SLC44A5: variants seen among roughly 807,000 people sequenced by gnomAD.
The protein encoded by SLC44A5 is solute carrier family 44 member 5.
In SLC44A5, 57 loss-of-function variants were observed where a neutral mutation model predicts 101.8. That is an observed-to-expected ratio of 0.56 (90% CI 0.45 to 0.70). The LOEUF (loss-of-function observed/expected upper bound fraction) is 0.70, where lower values mean the gene tolerates loss of function less well. Ranked by LOEUF, SLC44A5 falls within the 30% of genes least tolerant of loss-of-function variation. The pLI, the probability that SLC44A5 is intolerant of heterozygous loss-of-function variation, is 0.00. For missense variants in SLC44A5, 737 were observed against 853.1 expected (o/e 0.86, Z 1.70); for synonymous variants, 281 against 290.9 (o/e 0.97, Z 0.35).
chr1:75,426,887 C>A (rs1553178640), intron 2 of SLC44A5, among the ~76,000 whole-genome samples: 1 of 152,196 alleles, frequency 6.6e-6, no homozygotes, highest in Non-Finnish European at 1.5e-5. Flanking sequence ...AGCATCCTTG[C>A]CAGCGGGACA....
chr1:75,350,954 A>G (rs1475702311), intron 3 of SLC44A5, among the ~76,000 whole-genome samples: 2 of 151,616 alleles, frequency 1.3e-5, no homozygotes, highest in Non-Finnish European at 2.9e-5. Context: ...GAAGAAGATA[A>G]AGCATGTGAA....
At chr1:75,573,127 C>CAAAAAAAAAAAA (rs745593621) in intron 1 of SLC44A5, among the ~76,000 whole-genome samples, 1 of 16,688 alleles carries the variant, frequency 6.0e-5, no homozygotes, top group African/African-American at 2.5e-4. Flanking sequence ...GGCTCCATCT[C>CAAAAAAAAAAAA]AAAAAAAAAA....
the SLC44A5 span, among the ~76,000 whole-genome samples, chr1:75,617,193 C>G: frequency 6.6e-6 from 1 of 152,052 alleles, no homozygotes; most frequent in South Asian, 2.1e-4. Context: ...TATGCTGCAG[C>G]TGAGATTGCC....
intron 4 of SLC44A5, among the ~76,000 whole-genome samples, chr1:75,337,399 T>C (rs1657529086): frequency 6.6e-6 from 1 of 152,204 alleles, no homozygotes; most frequent in African/African-American, 2.4e-5. Flanking sequence ...CAATTCTCCA[T>C]CAAATAAAAT....
chr1:75,677,744 T>C, the SLC44A5 span: 3 of 441,234 alleles, frequency 6.8e-6, no homozygotes, highest in East Asian at 2.3e-4. Flanking sequence ...AAAAAACACA[T>C]TTCCAAGGGA....
the SLC44A5 span, among the ~76,000 whole-genome samples, chr1:75,660,191 G>C: frequency 5.9e-5 from 9 of 152,074 alleles, no homozygotes; most frequent in Admixed American, 5.2e-4. Context: ...CTGGGCAACA[G>C]AGCAAGATTC....
chr1:75,582,547 A>G (rs557798932), intron 1 of SLC44A5: 7 of 497,426 alleles, frequency 1.4e-5, no homozygotes, highest in African/African-American at 1.3e-4. Flanking sequence ...AGGCCACTAC[A>G]AAGGGTTCAA....
At chr1:75,566,936 G>A (rs901986347) in intron 1 of SLC44A5, among the ~76,000 whole-genome samples, 1 of 152,210 alleles carries the variant, frequency 6.6e-6, no homozygotes, top group Admixed American at 6.5e-5. Context: ...GATCAGAACT[G>A]TAAGTGGAAA....
intron 3 of SLC44A5, among the ~76,000 whole-genome samples, chr1:75,345,673 CAT>C (rs1265229822): frequency 6.6e-6 from 1 of 152,036 alleles, no homozygotes; most frequent in Non-Finnish European, 1.5e-5. Flanking sequence ...AAGAATGTGT[CAT>C]GTGTGAAAGC....
the SLC44A5 span, among the ~76,000 whole-genome samples, chr1:75,693,645 A>G: frequency 6.6e-6 from 1 of 152,162 alleles, no homozygotes; most frequent in African/African-American, 2.4e-5. Flanking sequence ...GGTACGGAAG[A>G]GTTCTGAGAA....
chr1:75,252,874 G>C (rs1396204334), intron 6 of SLC44A5, among the ~76,000 whole-genome samples: 1 of 152,192 alleles, frequency 6.6e-6, no homozygotes, highest in Non-Finnish European at 1.5e-5. Flanking sequence ...TTAAGAGACT[G>C]TGGAGGTGAA....
chr1:75,268,197 T>G (rs1055732828), intron 6 of SLC44A5, among the ~76,000 whole-genome samples: 32 of 152,150 alleles, frequency 2.1e-4, no homozygotes, highest in Non-Finnish European at 1.5e-4. Context: ...ATAGGGTCAC[T>G]CATGCCTCAG....
chr1:75,646,654 TC>T, the SLC44A5 span, among the ~76,000 whole-genome samples: 1 of 152,146 alleles, frequency 6.6e-6, no homozygotes, highest in Non-Finnish European at 1.5e-5. Context: ...GTGAGAGAGT[TC>T]TCACGAGATC....
intron 6 of SLC44A5, among the ~76,000 whole-genome samples, chr1:75,262,142 C>A (rs1557592071): frequency 6.6e-6 from 1 of 152,156 alleles, no homozygotes; most frequent in African/African-American, 2.4e-5. Flanking sequence ...CCAGGGCAAT[C>A]AAGAAAGAGA....
At chr1:75,439,891 A>G (rs1220307448) in intron 2 of SLC44A5, among the ~76,000 whole-genome samples, 1 of 152,140 alleles carries the variant, frequency 6.6e-6, no homozygotes, top group African/African-American at 2.4e-5. Context: ...ACACACTATA[A>G]TAAAAACTGA....
At chr1:75,301,821 T>C (rs1174484841) in intron 4 of SLC44A5, among the ~76,000 whole-genome samples, 1 of 152,170 alleles carries the variant, frequency 6.6e-6, no homozygotes, top group African/African-American at 2.4e-5. Flanking sequence ...GGGGCAAATA[T>C]CTAGATCTCC....
the SLC44A5 span, among the ~76,000 whole-genome samples, chr1:75,718,532 G>A: frequency 3.3e-5 from 5 of 152,158 alleles, no homozygotes; most frequent in Non-Finnish European, 5.9e-5. Context: ...CATGCTGTCT[G>A]GAGTGATGTC....
At chr1:75,314,130 C>T (rs1434040243) in intron 4 of SLC44A5, among the ~76,000 whole-genome samples, 6 of 152,200 alleles carry the variant, frequency 3.9e-5, no homozygotes, top group Non-Finnish European at 8.8e-5. Context: ...AGTTTAAAGA[C>T]GTTGGTCTTT....
chr1:75,464,391 T>G (rs2101706540), intron 2 of SLC44A5, among the ~76,000 whole-genome samples: 1 of 151,646 alleles, frequency 6.6e-6, no homozygotes, highest in South Asian at 2.1e-4. Context: ...AGCCTCATGG[T>G]AACCTCAAAC....
Sources: allele counts gnomAD v4.1 joint callset (sites outside exome capture counted in the v4.1 genomes callset), GRCh38; gene constraint gnomAD v4.1.1; transcripts MANE v1.5; gene names NCBI Gene and HGNC (gene_info 2026-07-23, HGNC 2026-07-21).